Variants in LIN28B observed in about 807,000 individuals in gnomAD.
LIN28B encodes the protein protein lin-28 homolog B.
In LIN28B, 5 loss-of-function variants were observed where a neutral mutation model predicts 21.9. That is an observed-to-expected ratio of 0.23 (90% CI 0.12 to 0.48). The LOEUF (loss-of-function observed/expected upper bound fraction) is 0.48. Among genes scored for constraint, LIN28B ranks in the 20% least tolerant of loss-of-function variants. LIN28B has a pLI of 0.98. For synonymous variants in LIN28B, 109 were observed against 111.3 expected, an observed-to-expected ratio of 0.98 and a Z score of 0.13; for missense variants, 245 against 310.5, an observed-to-expected ratio of 0.79 and a Z score of 1.58.
chr6:104,966,788 A>AT (rs1202992185), intron 2 of LIN28B, among the ~76,000 whole-genome samples: 1 of 151,872 alleles, frequency 6.6e-6, no homozygotes, highest in Non-Finnish European at 1.5e-5. Context: ...CGCCCGGCTA[A>AT]TTTTTTGTAT....
chr6:105,052,085 G>A (rs1036080661), intron 3 of LIN28B, among the ~76,000 whole-genome samples: 1 of 152,112 alleles, frequency 6.6e-6, no homozygotes, highest in African/African-American at 2.4e-5. Context: ...TGGGGGAAGT[G>A]ATTTTTATTC....
chr6:105,036,502 T>C (rs1305665191), intron 3 of LIN28B, among the ~76,000 whole-genome samples: 1 of 152,216 alleles, frequency 6.6e-6, no homozygotes, highest in African/African-American at 2.4e-5. Context: ...CAATTATAGT[T>C]GTTTCCTTCA....
chr6:105,058,897 C>G (rs1291714831), intron 3 of LIN28B, among the ~76,000 whole-genome samples: 3 of 151,948 alleles, frequency 2.0e-5, no homozygotes, highest in Admixed American at 2.0e-4. Context: ...GTCTGTTTTT[C>G]TATTGGACTC....
Position 104,946,562 on chromosome 6 carries a change from A to ATG in LIN28B, c.19-3887_19-3886dup, listed in dbSNP as rs200533628. On this transcript the variant is annotated intron_variant, in intron 2 of 5. Coordinates refer to the LIN28B transcript ENST00000635857. ...ACTTCCATGTTTAATATTTTATTTG[A>ATG]TGTGTGTGTGTGTTATATTTTAAGT... Among the ~76,000 whole-genome samples the ATG allele has an allele frequency of 1.2e-4, 18 of 152,100 alleles. No homozygotes were observed. The South Asian group carries it at 2.3e-3, about 19-fold the overall frequency.
intron 2 of LIN28B, among the ~76,000 whole-genome samples, chr6:105,011,702 T>C (rs1282612360): frequency 1.3e-5 from 2 of 151,008 alleles, no homozygotes; most frequent in South Asian, 2.1e-4. Flanking sequence ...ATACAAAAAT[T>C]AGCCGGGCAT....
chr6:104,954,311 C>T (rs1038419497), upstream of LIN28B, among the ~76,000 whole-genome samples: 55 of 152,212 alleles, frequency 3.6e-4, no homozygotes, highest in African/African-American at 1.3e-3. Flanking sequence ...GTGAAAGAAG[C>T]ACTCTAGGAG....
intron 3 of LIN28B, among the ~76,000 whole-genome samples, chr6:105,038,482 A>G (rs1771568655): frequency 6.6e-6 from 1 of 152,104 alleles, no homozygotes; most frequent in South Asian, 2.1e-4. Flanking sequence ...CAGAGAGAGA[A>G]CAGCTGGGAC....
intron 2 of LIN28B, among the ~76,000 whole-genome samples, chr6:104,946,882 T>A (rs1778162497): frequency 6.6e-6 from 1 of 152,158 alleles, no homozygotes; most frequent in Non-Finnish European, 1.5e-5. Flanking sequence ...TCTGAAGTAT[T>A]TTTTAAAATG....
rs147646364 is a variant in LIN28B at position 105,051,919 on chromosome 6, G to T, written c.383+25437G>T. ...TATTAATAAATGTATATAATGTGAC[G>T]TCAGGTAGTGATAAATGCTGTGAAG... On this transcript the variant is annotated intron_variant, in intron 3 of 3. Transcript: ENST00000345080. 5.3e-3 allele frequency among the ~76,000 whole-genome samples: 802 copies of T among 152,278 alleles called. 2 individuals are homozygous for T. Among genetic ancestry groups the T allele is most frequent in the Middle Eastern group, 0.01 (3 of 294 alleles).
At chr6:104,991,473 C>T (rs1339361077) in intron 2 of LIN28B, among the ~76,000 whole-genome samples, 1 of 151,576 alleles carries the variant, frequency 6.6e-6, no homozygotes, top group Non-Finnish European at 1.5e-5. Flanking sequence ...GGCAGAGACG[C>T]TCCTCACTTC....
chr6:104,989,416 T>C (rs780468084), intron 2 of LIN28B, among the ~76,000 whole-genome samples: 1 of 151,880 alleles, frequency 6.6e-6, no homozygotes, highest in Non-Finnish European at 1.5e-5. Flanking sequence ...AGAGCCAGGG[T>C]TGTGCCATGT....
chr6:105,001,278 AAC>A (rs1444750193), intron 2 of LIN28B, among the ~76,000 whole-genome samples: 1 of 152,230 alleles, frequency 6.6e-6, no homozygotes, highest in Non-Finnish European at 1.5e-5. Context: ...CTGCCTGTGG[AAC>A]ACATATAAAT....
At chr6:104,949,816 TA>T (rs1778199444) in intron 2 of LIN28B, among the ~76,000 whole-genome samples, 1 of 152,206 alleles carries the variant, frequency 6.6e-6, no homozygotes, top group South Asian at 2.1e-4. Context: ...ATGGATGTAT[TA>T]GAAACATCAA....
Position 105,080,677 on chromosome 6 carries a change from T to C in LIN28B, c.*1894T>C, listed in dbSNP as rs141898778. ...GCCTTATGTGAGGATTTCAAACTTA[T>C]TTAAATTATGTAGACAAATCAAAGT... On this transcript the variant is annotated 3_prime_UTR_variant, in exon 4 of 4. Coordinates refer to ENST00000345080, the MANE Select transcript of LIN28B (RefSeq NM_001004317.4). 2.0e-5 allele frequency: 3 copies of C among 152,768 alleles called. No individual in the cohort carries two copies. The highest frequency in any genetic ancestry group is 4.4e-5 in the Non-Finnish European group (3 of 68,024). The allele number at this position is 152,768 out of a possible 1,614,324, so 9.5% of individuals were successfully genotyped here. A position where few individuals can be genotyped will look rare whatever the true frequency, so the allele number is the denominator to read the frequency against.
upstream of LIN28B, among the ~76,000 whole-genome samples, chr6:104,954,490 T>G (rs1324007372): frequency 6.6e-6 from 1 of 152,196 alleles, no homozygotes; most frequent in Non-Finnish European, 1.5e-5. Context: ...TTCCTTGCTT[T>G]CTTCTTCCTT....
chr6:105,027,877 G>C (rs1230623793), intron 3 of LIN28B, among the ~76,000 whole-genome samples: 1 of 151,976 alleles, frequency 6.6e-6, no homozygotes, highest in Non-Finnish European at 1.5e-5. Context: ...AGCACTTGTT[G>C]CCTATTTCAT....
At position 105,078,592 on chromosome 6, in the gene LIN28B, A is replaced by C; in HGVS notation, c.562A>C (p.Thr188Pro). The C allele has an allele frequency of 6.2e-7, 1 of 1,614,128 alleles. No individual in the cohort carries two copies. The highest frequency in any genetic ancestry group is 8.5e-7 in the Non-Finnish European group (1 of 1,180,020). ...ACAGGAAGCAGAATCCCAGCCATGCACTTCAACTCTCCCTCGAGAAGTGGG... is the reference window on the plus strand; with the variant it reads ...ACAGGAAGCAGAATCCCAGCCATGCCCTTCAACTCTCCCTCGAGAAGTGGG... Reference protein sequence around the residue: ...GRQEAESQPCTSTLPREVGGG... With the variant: ...GRQEAESQPCPSTLPREVGGG... Residue 188 changes from threonine (T) to proline (P), a missense_variant, in exon 4 of 4, where the codon ACT becomes CCT. Thr to Pro is a conservative substitution (Grantham distance 38, BLOSUM62 -1). Coordinates refer to ENST00000345080, the MANE Select transcript of LIN28B (RefSeq NM_001004317.4).
chr6:104,955,734 C>T (rs1191786299), upstream of LIN28B, among the ~76,000 whole-genome samples: 12 of 146,520 alleles, frequency 8.2e-5, no homozygotes, highest in Non-Finnish European at 1.6e-4. Context: ...GGTATCTGAA[C>T]AGTTAGTTTC....
chr6:104,998,880 T>C (rs1001337879), intron 2 of LIN28B, among the ~76,000 whole-genome samples: 4 of 152,196 alleles, frequency 2.6e-5, no homozygotes, highest in African/African-American at 7.2e-5. Flanking sequence ...TCATTTTAAC[T>C]ATATTTTTAT....
Sources: allele counts gnomAD v4.1 joint callset (sites outside exome capture counted in the v4.1 genomes callset), GRCh38; gene constraint gnomAD v4.1.1; transcripts MANE v1.5; gene names NCBI Gene and HGNC (gene_info 2026-07-23, HGNC 2026-07-21).